The following IGF1R variants were observed in gnomAD, a reference collection of about 807,000 sequenced individuals.
The protein encoded by IGF1R is insulin like growth factor 1 receptor.
A neutral mutation model predicts 144.6 loss-of-function variants in IGF1R; 44 were observed. That is an observed-to-expected ratio of 0.30 (90% CI 0.24 to 0.39). IGF1R has a LOEUF of 0.39. IGF1R is among the 10% of genes least tolerant of loss of function. The probability of loss-of-function intolerance (pLI) is 1.00; values close to 1 mark genes in which losing one functional copy is unlikely to be tolerated. For missense variants in IGF1R, 1,355 were observed against 1,833.7 expected (o/e 0.74, Z 4.77); for synonymous variants, 795 against 722.8 (o/e 1.10, Z -1.60).
intron 2 of IGF1R, among the ~76,000 whole-genome samples, chr15:98,781,778 C>T (rs576691740): frequency 1.3e-5 from 2 of 152,254 alleles, no homozygotes; most frequent in African/African-American, 4.8e-5. Context: ...TGCCGGGGTA[C>T]TGGGGCTATA....
chr15:98,726,554 ACT>A (rs2054364962), intron 2 of IGF1R, among the ~76,000 whole-genome samples: 1 of 152,048 alleles, frequency 6.6e-6, no homozygotes, highest in Non-Finnish European at 1.5e-5. Flanking sequence ...AACATCTATG[ACT>A]CTTATGAGAA....
At chr15:98,933,554 C>T (rs186842141) in intron 15 of IGF1R, among the ~76,000 whole-genome samples, 13 of 152,276 alleles carry the variant, frequency 8.5e-5, no homozygotes, top group Admixed American at 8.5e-4. Flanking sequence ...CCAGGCTGGT[C>T]TCAAATTCCT....
chr15:98,878,200 A>C (rs1309101772), intron 2 of IGF1R, among the ~76,000 whole-genome samples: 1 of 152,196 alleles, frequency 6.6e-6, no homozygotes, highest in East Asian at 1.9e-4. Flanking sequence ...TCTCCCTCTG[A>C]GCTTGGCCTC....
At chr15:98,835,163 C>A (rs888324817) in intron 2 of IGF1R, among the ~76,000 whole-genome samples, 133 of 147,326 alleles carry the variant, frequency 9.0e-4, no homozygotes, top group African/African-American at 3.0e-3. Context: ...ACCCCTACAC[C>A]CACACACCTT....
intron 2 of IGF1R, among the ~76,000 whole-genome samples, chr15:98,838,627 G>T (rs1216077112): frequency 2.0e-5 from 3 of 152,160 alleles, no homozygotes; most frequent in African/African-American, 7.2e-5. Flanking sequence ...AGGGCGTTGG[G>T]CCAGGCTGAT....
intron 2 of IGF1R, among the ~76,000 whole-genome samples, chr15:98,857,984 T>C (rs1245740772): frequency 6.6e-6 from 1 of 152,232 alleles, no homozygotes; most frequent in Non-Finnish European, 1.5e-5. Context: ...TTGGTGTTGA[T>C]TATTAGCAAA....
At chr15:98,828,339 C>G (rs570693469) in intron 2 of IGF1R, among the ~76,000 whole-genome samples, 1 of 152,268 alleles carries the variant, frequency 6.6e-6, no homozygotes, top group South Asian at 2.1e-4. Flanking sequence ...AAAGCCACTG[C>G]AAGCCCTCTG....
chr15:98,931,696 TAAAAAAAAAA>T (rs61131708), intron 15 of IGF1R, among the ~76,000 whole-genome samples: 6 of 146,346 alleles, frequency 4.1e-5, no homozygotes, highest in African/African-American at 5.0e-5. Flanking sequence ...TCTTTCCCTT[TAAAAAAAAAA>T]AAAAAAAAAA....
In IGF1R at chr15:98,859,725, A is replaced by G. The variant is rs974592154; in HGVS notation, c.641-31600A>G. On this transcript the variant is annotated intron_variant, in intron 2 of 20. Transcript: ENST00000650285. ...ACACACATTCTTAAATGCATGATTA[A>G]CTGTATAGATTGATTTAGTTATAAG... Among the ~76,000 whole-genome samples, 68 of 152,214 alleles carry G rather than the reference A, an allele frequency of 4.5e-4. 2 individuals carry two copies. The highest frequency in any genetic ancestry group is 4.4e-3 in the Admixed American group (67 of 15,284).
intron 2 of IGF1R, among the ~76,000 whole-genome samples, chr15:98,725,497 A>T (rs944476945): frequency 6.6e-6 from 1 of 151,868 alleles, no homozygotes; most frequent in Non-Finnish European, 1.5e-5. Flanking sequence ...TGCTTCTCCA[A>T]CTCCTGGAAT....
chr15:98,947,323 C>T (rs1335368660), intron 19 of IGF1R, among the ~76,000 whole-genome samples: 2 of 152,194 alleles, frequency 1.3e-5, no homozygotes, highest in South Asian at 2.1e-4. Context: ...GCGAATAAAA[C>T]GTTCTCATAC....
chr15:98,775,278 T>G (rs1307973145), intron 2 of IGF1R, among the ~76,000 whole-genome samples: 1 of 152,138 alleles, frequency 6.6e-6, no homozygotes, highest in Non-Finnish European at 1.5e-5. Context: ...CATCTCTGTT[T>G]TAACAGTCAC....
intron 2 of IGF1R, among the ~76,000 whole-genome samples, chr15:98,872,597 G>A (rs1178216136): frequency 1.3e-5 from 2 of 152,312 alleles, no homozygotes; most frequent in East Asian, 1.9e-4. Context: ...TCCGTGGTTT[G>A]CCACATTTCA....
intron 5 of IGF1R, among the ~76,000 whole-genome samples, chr15:98,902,901 A>C (rs2014555047): frequency 6.6e-6 from 1 of 152,152 alleles, no homozygotes. Context: ...AAGTCTCCTG[A>C]GCCATCCAGA....
chr15:98,756,375 G>A (rs1454606995), intron 2 of IGF1R, among the ~76,000 whole-genome samples: 2 of 151,114 alleles, frequency 1.3e-5, no homozygotes, highest in African/African-American at 2.4e-5. Context: ...TAGTTGTTCT[G>A]TTCAGCTTTT....
chr15:98,738,243 C>G (rs2054657816), intron 2 of IGF1R, among the ~76,000 whole-genome samples: 1 of 152,146 alleles, frequency 6.6e-6, no homozygotes, highest in African/African-American at 2.4e-5. Flanking sequence ...ACTAGTTTGC[C>G]CCGGCTGAAC....
chr15:98,818,204 A>G (rs73479759), intron 2 of IGF1R, among the ~76,000 whole-genome samples: 4,960 of 152,256 alleles, frequency 0.033, 266 homozygotes, highest in African/African-American at 0.11. Context: ...ATGAATTGGC[A>G]GGGTGGAGGT....
chr15:98,658,598 C>T (rs1385445203), intron 1 of IGF1R, among the ~76,000 whole-genome samples: 2 of 152,194 alleles, frequency 1.3e-5, no homozygotes, highest in Non-Finnish European at 2.9e-5. Context: ...AGGCAGCACG[C>T]TAAGTCAGGT....
intron 3 of IGF1R, among the ~76,000 whole-genome samples, chr15:98,894,252 A>G (rs142321423): frequency 2.0e-5 from 3 of 152,162 alleles, no homozygotes; most frequent in South Asian, 2.1e-4. Flanking sequence ...AGATTTTTCT[A>G]TTTGAGTGAA....
Sources: allele counts gnomAD v4.1 joint callset (sites outside exome capture counted in the v4.1 genomes callset), GRCh38; gene constraint gnomAD v4.1.1; transcripts MANE v1.5; gene names NCBI Gene and HGNC (gene_info 2026-07-23, HGNC 2026-07-21).